SLC39A11: variants seen among roughly 807,000 people sequenced by gnomAD.
SLC39A11 encodes zinc transporter ZIP11.
Under a neutral mutation model 36.1 loss-of-function variants are expected in SLC39A11, and 33 were observed. That is an observed-to-expected ratio of 0.91 (90% CI 0.69 to 1.22). The LOEUF is 1.22. SLC39A11 is among the 50% of genes most tolerant of loss of function. The pLI is 0.00. For synonymous variants in SLC39A11, 166 were observed against 170.3 expected (o/e 0.97, Z 0.20); for missense variants, 432 against 430.3 (o/e 1.00, Z -0.03).
chr17:72,646,461 A>G lies in SLC39A11; in HGVS notation c.*1123T>C, dbSNP rs2069565651. On this transcript the variant is annotated 3_prime_UTR_variant, in exon 10 of 10. Coordinates refer to ENST00000255559, the MANE Select transcript of SLC39A11 (RefSeq NM_139177.4). ...CTAGTTCGACTCATTCTTTATAGGG[A>G]CATTTCAGAATGATGAGTTGGCTAA... The G allele has an allele frequency of 6.6e-6, 1 of 152,220 alleles. No homozygotes were observed. The highest frequency in any genetic ancestry group is 2.4e-5 in the African/African-American group (1 of 41,456). 9.4% of individuals were successfully genotyped at this position (152,220 alleles called of 1,614,324 possible).
intron 6 of SLC39A11, among the ~76,000 whole-genome samples, chr17:72,847,319 C>G (rs930563007): frequency 4.0e-5 from 6 of 151,626 alleles, no homozygotes; most frequent in Non-Finnish European, 8.8e-5. Context: ...AGGAGAATTG[C>G]TTGAACCGGG....
At chr17:72,814,883 C>T (rs1337693219) in intron 6 of SLC39A11, among the ~76,000 whole-genome samples, 1 of 152,296 alleles carries the variant, frequency 6.6e-6, no homozygotes, top group South Asian at 2.1e-4. Context: ...TTCAAGGACA[C>T]CAACACTAAA....
intron 4 of SLC39A11, among the ~76,000 whole-genome samples, chr17:72,971,689 G>T (rs192833911): frequency 6.6e-6 from 1 of 152,184 alleles, no homozygotes; most frequent in Admixed American, 6.5e-5. Flanking sequence ...CCCCCCAGGA[G>T]GACTACCAAA....
chr17:72,702,097 C>T (rs987516695), intron 7 of SLC39A11, among the ~76,000 whole-genome samples: 1 of 114,984 alleles, frequency 8.7e-6, no homozygotes, highest in African/African-American at 3.0e-5. Flanking sequence ...TGGAGTGAGA[C>T]TCTGTCTCCA....
rs183633898 is a variant in SLC39A11, at chr17:72,653,659, C to T, written c.672-4391G>A. On this transcript the variant is annotated intron_variant, in intron 7 of 9. Transcript: ENST00000255559. ...TTTACCATGTTGGCCAGGGTGGTCT[C>T]GAACTCCTGACCTCAGGTAATCTGC... Among the ~76,000 whole-genome samples, 161 of 152,166 alleles carry T rather than the reference C, an allele frequency of 1.1e-3. 1 individual carries two copies. Among genetic ancestry groups the T allele is most frequent in the African/African-American group, 3.7e-3 (154 of 41,514 alleles).
intron 7 of SLC39A11, among the ~76,000 whole-genome samples, chr17:72,657,105 T>TTGGGATTACAG (rs2070164031): frequency 6.6e-6 from 1 of 152,206 alleles, no homozygotes. Context: ...CTCACGCCTG[T>TTGGGATTACAG]AATCCCAACA....
At chr17:72,836,765 T>C (rs1410714965) in intron 6 of SLC39A11, among the ~76,000 whole-genome samples, 1 of 152,182 alleles carries the variant, frequency 6.6e-6, no homozygotes, top group Non-Finnish European at 1.5e-5. Context: ...CCCCCGTAAG[T>C]GGCAGCCTTT....
At chr17:72,970,904 G>A (rs1598653215) in intron 4 of SLC39A11, among the ~76,000 whole-genome samples, 1 of 152,232 alleles carries the variant, frequency 6.6e-6, no homozygotes, top group Non-Finnish European at 1.5e-5. Flanking sequence ...CTGGCTCATG[G>A]GCTCCCTGCC....
chr17:73,043,700 C>A (rs1468460660), intron 3 of SLC39A11, among the ~76,000 whole-genome samples: 1 of 152,090 alleles, frequency 6.6e-6, no homozygotes, highest in African/African-American at 2.4e-5. Flanking sequence ...GGCAGGAGAC[C>A]AGAGAGCAGA....
At chr17:72,865,403 A>C (rs1336368722) in intron 5 of SLC39A11, among the ~76,000 whole-genome samples, 1 of 146,790 alleles carries the variant, frequency 6.8e-6, no homozygotes, top group African/African-American at 2.5e-5. Context: ...TGAAGAAAAA[A>C]ACTGCTCGAA....
At chr17:72,820,716 G>A (rs550657776) in intron 6 of SLC39A11, among the ~76,000 whole-genome samples, 66 of 151,328 alleles carry the variant, frequency 4.4e-4, no homozygotes, top group African/African-American at 1.4e-3. Flanking sequence ...TGAGATGAGA[G>A]ATGTTTCCCG....
chr17:72,689,207 G>C (rs1292339743), intron 7 of SLC39A11, among the ~76,000 whole-genome samples: 1 of 152,232 alleles, frequency 6.6e-6, no homozygotes, highest in Non-Finnish European at 1.5e-5. Flanking sequence ...GCGTTAATAA[G>C]TGGTTCTAAA....
intron 6 of SLC39A11, among the ~76,000 whole-genome samples, chr17:72,845,958 ATGGAGTG>A (rs1214170878): frequency 6.9e-6 from 1 of 144,066 alleles, no homozygotes; most frequent in Non-Finnish European, 1.5e-5. Flanking sequence ...GTCACCCAGG[ATGGAGTG>A]TGGAGATAAG....
At chr17:73,058,147 G>C (rs1217770143) in intron 3 of SLC39A11, among the ~76,000 whole-genome samples, 1 of 151,860 alleles carries the variant, frequency 6.6e-6, no homozygotes, top group Admixed American at 6.6e-5. Flanking sequence ...TGTTTCACAG[G>C]CCTTGCCTTT....
chr17:72,662,111 G>C (rs1481011938), intron 7 of SLC39A11, among the ~76,000 whole-genome samples: 1 of 152,102 alleles, frequency 6.6e-6, no homozygotes, highest in African/African-American at 2.4e-5. Context: ...GCCATCAAAA[G>C]ACACATCTTA....
chr17:73,053,084 C>T (rs2059559506), intron 3 of SLC39A11, among the ~76,000 whole-genome samples: 1 of 152,152 alleles, frequency 6.6e-6, no homozygotes, highest in Non-Finnish European at 1.5e-5. Context: ...ATTACTCCAT[C>T]ACATGAGCTG....
chr17:72,833,719 C>A (rs1449436425), intron 6 of SLC39A11, among the ~76,000 whole-genome samples: 1 of 152,154 alleles, frequency 6.6e-6, no homozygotes, highest in Non-Finnish European at 1.5e-5. Flanking sequence ...ACACATAACA[C>A]CAGAGGACAA....
At chr17:72,757,974 C>T (rs1254573257) in intron 6 of SLC39A11, among the ~76,000 whole-genome samples, 1 of 152,130 alleles carries the variant, frequency 6.6e-6, no homozygotes, top group Non-Finnish European at 1.5e-5. Context: ...CAACCTCCAC[C>T]TCCTGGGTTC....
At chr17:72,954,309 T>C (rs146471600) in intron 4 of SLC39A11, among the ~76,000 whole-genome samples, 165 of 152,316 alleles carry the variant, frequency 1.1e-3, no homozygotes, top group African/African-American at 3.7e-3. Flanking sequence ...GTCTCTTTAA[T>C]TGAAGCTTGT....
Sources: allele counts gnomAD v4.1 joint callset (sites outside exome capture counted in the v4.1 genomes callset), GRCh38; gene constraint gnomAD v4.1.1; transcripts MANE v1.5; gene names NCBI Gene and HGNC (gene_info 2026-07-23, HGNC 2026-07-21).